The following HS3ST4 variants were observed in gnomAD, a reference collection of about 807,000 sequenced individuals.
The protein encoded by HS3ST4 is heparan sulfate glucosamine 3-O-sulfotransferase 4.
In HS3ST4, 17 loss-of-function variants were observed where a neutral mutation model predicts 29.2. That is an observed-to-expected ratio of 0.58 (90% CI 0.40 to 0.87). The LOEUF is 0.87. Ranked by LOEUF, HS3ST4 falls within the 40% of genes least tolerant of loss-of-function variation. HS3ST4 has a pLI of 0.00. For synonymous variants in HS3ST4, 314 were observed against 285.7 expected, an observed-to-expected ratio of 1.10 and a Z score of -1.00; for missense variants, 627 against 634.5, an observed-to-expected ratio of 0.99 and a Z score of 0.13.
At chr16:25,771,455 C>A (rs1397042566) in intron 1 of HS3ST4, among the ~76,000 whole-genome samples, 2 of 152,028 alleles carry the variant, frequency 1.3e-5, no homozygotes, top group East Asian at 3.9e-4. Context: ...ATTTCCTACC[C>A]CAGGGCCTTT....
rs149247644 is a variant in HS3ST4 at position 26,059,713 on chromosome 16, G to A, written c.735-75899G>A. The stretch of plus-strand genomic sequence containing the variant: ...TGATAGGATTAAATTGGTTACTCCA[G>A]GAAGGTGAACACATTTTAATATCTT... On this transcript the variant is annotated intron_variant, in intron 1 of 1. Transcript: ENST00000331351. Among the ~76,000 whole-genome samples the A allele has an allele frequency of 3.8e-3, 585 of 152,246 alleles. 4 individuals are homozygous for A. The highest frequency in any genetic ancestry group is 0.014 in the African/African-American group (562 of 41,532).
chr16:25,966,913 A>G (rs1044527101), intron 1 of HS3ST4, among the ~76,000 whole-genome samples: 1 of 152,134 alleles, frequency 6.6e-6, no homozygotes, highest in Non-Finnish European at 1.5e-5. Context: ...TTGGATGGGT[A>G]TATTTAAAAT....
At chr16:25,993,180 A>G (rs112958467) in intron 1 of HS3ST4, among the ~76,000 whole-genome samples, 39 of 152,194 alleles carry the variant, frequency 2.6e-4, no homozygotes, top group African/African-American at 8.2e-4. Context: ...TTCTATCACA[A>G]TCATTGCTGT....
In HS3ST4 at chr16:25,693,041, A is replaced by G; in HGVS notation, c.624A>G (p.Gly208=). ...PQALIIGVKK[G]GTRALLEAIR... ...CGCTCATCATCGGGGTCAAGAAAGG[A>G]GGGACCCGCGCGCTGCTGGAGGCGA... The change falls in exon 1 of 2, where the codon GGA becomes GGG. Residue 208 remains glycine, a synonymous_variant. Transcript: ENST00000331351. The G allele has an allele frequency of 6.2e-7, 1 of 1,611,164 alleles. No homozygotes were observed. The highest frequency in any genetic ancestry group is 8.5e-7 in the Non-Finnish European group (1 of 1,179,008).
intron 1 of HS3ST4, among the ~76,000 whole-genome samples, chr16:25,984,286 G>A (rs890466747): frequency 6.6e-6 from 1 of 152,280 alleles, no homozygotes; most frequent in South Asian, 2.1e-4. Flanking sequence ...ACGGTTTCGG[G>A]ATGAAACTGT....
chr16:25,758,537 TC>T (rs1350942318), intron 1 of HS3ST4, among the ~76,000 whole-genome samples: 2 of 152,168 alleles, frequency 1.3e-5, no homozygotes, highest in Non-Finnish European at 2.9e-5. Context: ...TTCTCATTTA[TC>T]TGAACTTCAG....
intron 1 of HS3ST4, among the ~76,000 whole-genome samples, chr16:26,134,549 A>G (rs1395697573): frequency 2.0e-5 from 3 of 151,656 alleles, no homozygotes; most frequent in Admixed American, 1.3e-4. Context: ...TTTAGTAGTG[A>G]TGGGGTTTCA....
chr16:25,701,173 T>C (rs1025308947), intron 1 of HS3ST4, among the ~76,000 whole-genome samples: 3 of 152,208 alleles, frequency 2.0e-5, no homozygotes, highest in African/African-American at 7.2e-5. Flanking sequence ...TTAGGCAAGA[T>C]GGTAAGAAGC....
At chr16:25,724,796 G>A (rs563874812) in intron 1 of HS3ST4, among the ~76,000 whole-genome samples, 252 of 152,172 alleles carry the variant, frequency 1.7e-3, no homozygotes, top group Non-Finnish European at 2.5e-3. Flanking sequence ...TCGTTAACTC[G>A]TTGTGAATTA....
At chr16:25,828,270 T>C (rs190367476) in intron 1 of HS3ST4, among the ~76,000 whole-genome samples, 1,384 of 85,768 alleles carry the variant, frequency 0.016, 112 homozygotes, top group African/African-American at 0.041. Context: ...CTTTCTTTCT[T>C]TCTTTCTTTC....
chr16:25,983,414 G>T (rs1969029057), intron 1 of HS3ST4, among the ~76,000 whole-genome samples: 1 of 152,076 alleles, frequency 6.6e-6, no homozygotes, highest in South Asian at 2.1e-4. Flanking sequence ...TGACCCTTAG[G>T]GCAAGGCTTG....
chr16:25,972,746 G>A (rs918495862), intron 1 of HS3ST4, among the ~76,000 whole-genome samples: 2 of 152,204 alleles, frequency 1.3e-5, no homozygotes, highest in African/African-American at 2.4e-5. Flanking sequence ...CTCAAGAAGA[G>A]GGGATTATGC....
chr16:26,085,135 G>A (rs1898771018), intron 1 of HS3ST4, among the ~76,000 whole-genome samples: 1 of 152,146 alleles, frequency 6.6e-6, no homozygotes, highest in South Asian at 2.1e-4. Flanking sequence ...TCTGGAGAGA[G>A]CTCAGCCTGG....
At chr16:25,986,697 G>A (rs913570190) in intron 1 of HS3ST4, among the ~76,000 whole-genome samples, 2 of 152,152 alleles carry the variant, frequency 1.3e-5, no homozygotes, top group Non-Finnish European at 2.9e-5. Context: ...ATTCTGTTAC[G>A]GCGTTAATTT....
At position 25,737,373 on chromosome 16, in the gene HS3ST4, A is replaced by AACAC. The variant is rs60674942; in HGVS notation, c.734+44235_734+44238dup. Among the ~76,000 whole-genome samples, 1,332 of 151,868 alleles carry AACAC rather than the reference A, an allele frequency of 8.8e-3. 13 individuals are homozygous for AACAC. The highest frequency in any genetic ancestry group is 0.018 in the Admixed American group (268 of 15,246). On this transcript the variant is annotated intron_variant, in intron 1 of 1. Transcript: ENST00000331351. ...TTTTAAGTGACCCCCCCCACACACA[A>AACAC]ACACACACACACACACTCAGTGGAA...
At chr16:25,849,681 T>C (rs1967498846) in intron 1 of HS3ST4, among the ~76,000 whole-genome samples, 1 of 152,036 alleles carries the variant, frequency 6.6e-6, no homozygotes, top group East Asian at 1.9e-4. Context: ...ATATTACGTA[T>C]GTTTTTGTAG....
At chr16:25,952,363 G>A (rs183183496) in intron 1 of HS3ST4, among the ~76,000 whole-genome samples, 1 of 152,156 alleles carries the variant, frequency 6.6e-6, no homozygotes, top group Non-Finnish European at 1.5e-5. Flanking sequence ...AGTGATATAG[G>A]GGGGTATGCA....
At chr16:26,010,854 G>C (rs1210271649) in intron 1 of HS3ST4, among the ~76,000 whole-genome samples, 1 of 152,154 alleles carries the variant, frequency 6.6e-6, no homozygotes, top group Non-Finnish European at 1.5e-5. Context: ...CTAATGGCTT[G>C]ATTTCAAATC....
At chr16:26,104,826 A>T (rs889746948) in intron 1 of HS3ST4, among the ~76,000 whole-genome samples, 1 of 152,110 alleles carries the variant, frequency 6.6e-6, no homozygotes, top group African/African-American at 2.4e-5. Flanking sequence ...CTTTTTGCTT[A>T]AGGCAGGAAC....
Sources: gnomAD v4.1 joint callset for allele counts (sites outside exome capture counted in the v4.1 genomes callset) on GRCh38, gnomAD v4.1.1 for gene constraint, MANE v1.5 for transcripts, NCBI Gene and HGNC (gene_info 2026-07-23, HGNC 2026-07-21) for gene names.